The following NUP214 variants were observed in gnomAD, a reference collection of about 807,000 sequenced individuals.
The protein encoded by NUP214 is nuclear pore complex protein Nup214.
Under a neutral mutation model 196.2 loss-of-function variants are expected in NUP214, and 79 were observed. That is an observed-to-expected ratio of 0.40 (90% CI 0.34 to 0.49). NUP214 has a LOEUF of 0.49. NUP214 is among the 20% of genes least tolerant of loss of function. NUP214 has a pLI of 0.58. For missense variants in NUP214, 2,468 were observed against 2,539.0 expected, an observed-to-expected ratio of 0.97 and a Z score of 0.60; for synonymous variants, 1,020 against 990.5, an observed-to-expected ratio of 1.03 and a Z score of -0.56.
At chr9:131,199,763 C>G (rs1376484402) in intron 29 of NUP214, among the ~76,000 whole-genome samples, 2 of 152,140 alleles carry the variant, frequency 1.3e-5, no homozygotes, top group African/African-American at 4.8e-5. Context: ...AGGAGAAAAG[C>G]AAGGATCAAT....
At chr9:131,193,629 C>CTGTTTTTTTTTTTTTTTTTTTTTTTTTT (rs1833677968) in intron 27 of NUP214, among the ~76,000 whole-genome samples, 1 of 28,218 alleles carries the variant, frequency 3.5e-5, no homozygotes, top group Non-Finnish European at 6.5e-5. Flanking sequence ...TCTTCCTTTT[C>CTGTTTTTTTTTTTTTTTTTTTTTTTTTT]TTTTTTTTTT....
Position 131,151,866 on chromosome 9 carries a change from T to A in NUP214, c.2408T>A (p.Leu803Gln), listed in dbSNP as rs746324248. Residue 803 changes from leucine (L) to glutamine (Q), a missense_variant, in exon 17 of 36, where the codon CTG becomes CAG. This residue lies in a region of NUP214 where 1,801 missense variants were observed against 1,779.4 expected (regional missense o/e 1.01). Coordinates refer to ENST00000359428, the MANE Select transcript of NUP214 (RefSeq NM_005085.4). ...GYLHLLYKRP[L>Q]DPKSEAQLQE... Reference sequence around the variant, plus strand: ...CTGCATTTGCTTTATAAAAGACCACTGGATCCCAAGAGTGAAGCTCAGCTT... The same window carrying A: ...CTGCATTTGCTTTATAAAAGACCACAGGATCCCAAGAGTGAAGCTCAGCTT... The A allele has an allele frequency of 6.2e-7, 1 of 1,612,508 alleles. No homozygotes were observed. The highest frequency in any genetic ancestry group is 1.1e-5 in the South Asian group (1 of 90,796).
rs752251982 is a variant in NUP214 at position 131,151,826 on chromosome 9, C to G, written c.2368C>G (p.Arg790Gly). 2.5e-6 allele frequency: 4 copies of G among 1,613,374 alleles called. No individual in the cohort carries two copies. The African/African-American group carries it at 4.0e-5, about 16-fold the overall frequency. Residue 790 changes from arginine to glycine, a missense_variant, in exon 17 of 36, where the codon CGT becomes GGT. By Grantham distance (125) the Arg-to-Gly change is moderately radical (BLOSUM62 -2). Coordinates refer to ENST00000359428, the MANE Select transcript of NUP214 (RefSeq NM_005085.4). The stretch of plus-strand genomic sequence containing the variant: ...AGCCAGAGAACAAAATGAAAGAAAT[C>G]GTGACTCTGGTTATCTGCATTTGCT... ...EEAREQNERN[R>G]DSGYLHLLYK... is the part of the protein sequence containing the mutation.
chr9:131,216,651 C>T lies in NUP214; in HGVS notation c.5749+1283C>T, dbSNP rs545084521. ...AAGCAATTCTCCCAGCTCAGCTTCC[C>T]GAGTAGCTGGGATTACAGGCACCTG... On this transcript the variant is annotated intron_variant, in intron 31 of 35. Coordinates refer to ENST00000359428, the MANE Select transcript of NUP214 (RefSeq NM_005085.4). Among the ~76,000 whole-genome samples, 15 of 150,798 alleles carry T rather than the reference C, an allele frequency of 9.9e-5. No homozygotes were observed. The East Asian group carries it at 2.5e-3, about 26-fold the overall frequency.
At chr9:131,161,850 C>T (rs914748424) in intron 18 of NUP214, among the ~76,000 whole-genome samples, 1 of 152,200 alleles carries the variant, frequency 6.6e-6, no homozygotes, top group African/African-American at 2.4e-5. Context: ...ACCTATTACA[C>T]ACCTAGGCGC....
chr9:131,210,397 A>C (rs1337375393), intron 30 of NUP214, among the ~76,000 whole-genome samples: 1 of 152,082 alleles, frequency 6.6e-6, no homozygotes, highest in African/African-American at 2.4e-5. Flanking sequence ...TGGGAGGCCA[A>C]GGCGGGCGGA....
chr9:131,133,885 T>C (rs1029711820), intron 7 of NUP214, among the ~76,000 whole-genome samples: 15 of 152,210 alleles, frequency 9.9e-5, no homozygotes, highest in African/African-American at 3.1e-4. Context: ...TAAAGCTGAG[T>C]ATATAGCAGT....
chr9:131,166,857 T>G (rs1484306667), intron 21 of NUP214, among the ~76,000 whole-genome samples: 1 of 152,140 alleles, frequency 6.6e-6, no homozygotes, highest in African/African-American at 2.4e-5. Flanking sequence ...CACTTACCCC[T>G]CACCCATATG....
chr9:131,204,030 C>T (rs557679005), intron 30 of NUP214, among the ~76,000 whole-genome samples: 22 of 152,046 alleles, frequency 1.4e-4, no homozygotes, highest in African/African-American at 5.1e-4. Context: ...AGGTGTCTGG[C>T]AGAGGCAGCG....
chr9:131,207,889 G>A (rs552431841), intron 30 of NUP214, among the ~76,000 whole-genome samples: 1 of 152,264 alleles, frequency 6.6e-6, no homozygotes, highest in Non-Finnish European at 1.5e-5. Context: ...CTGAGAAAAT[G>A]TACTGGCTGG....
chr9:131,132,730 T>C, intron 6 of NUP214, 71 bp downstream of exon 6: 1 of 1,304,128 alleles, frequency 7.7e-7, no homozygotes, highest in South Asian at 1.2e-5. Flanking sequence ...TTCAAAATCA[T>C]GTAATGTACC....
At chr9:131,215,904 T>A (rs1834379753) in intron 31 of NUP214, among the ~76,000 whole-genome samples, 1 of 147,714 alleles carries the variant, frequency 6.8e-6, no homozygotes, top group Admixed American at 6.6e-5. Context: ...CTAATTTTTT[T>A]TTTTTTTTTT....
intron 26 of NUP214, chr9:131,191,134 CT>C (rs1251795154): frequency 1.3e-5 from 2 of 151,516 alleles, no homozygotes; most frequent in Non-Finnish European, 2.9e-5. Flanking sequence ...TTGATTTGGG[CT>C]TTTAAATAGT....
At chr9:131,150,278 T>C (rs1300191231) in intron 14 of NUP214, 46 bp from the exon 15 acceptor site, 1 of 1,542,884 alleles carries the variant, frequency 6.5e-7, no homozygotes, top group Non-Finnish European at 9.0e-7. Flanking sequence ...TAATTGCTTG[T>C]AGAAGCTATG....
At chr9:131,126,515 A>T (rs1349963437) in intron 1 of NUP214, 1 of 151,888 alleles carries the variant, frequency 6.6e-6, no homozygotes, top group Non-Finnish European at 1.5e-5. Flanking sequence ...ACTAAAATGC[A>T]TTTAGGGCAT....
At chr9:131,213,462 G>T (rs1452384345) in intron 30 of NUP214, among the ~76,000 whole-genome samples, 1 of 152,106 alleles carries the variant, frequency 6.6e-6, no homozygotes, top group Non-Finnish European at 1.5e-5. Context: ...GGCATGAGCC[G>T]CTGCACCCAG....
intron 7 of NUP214, chr9:131,133,701 C>G (rs1831631136): frequency 6.6e-6 from 1 of 152,066 alleles, no homozygotes; most frequent in Non-Finnish European, 1.5e-5. Context: ...ATTGGAGTGT[C>G]CACAGCATGT....
chr9:131,184,325 C>T (rs575266542), intron 24 of NUP214, among the ~76,000 whole-genome samples: 5 of 141,706 alleles, frequency 3.5e-5, no homozygotes, highest in African/African-American at 5.3e-5. Flanking sequence ...ACACTGCAGC[C>T]GGCCTCTCTC....
chr9:131,232,436 T>C lies in NUP214; in HGVS notation c.6239+128T>C, dbSNP rs1383897587. 6.2e-6 allele frequency: 6 copies of C among 967,238 alleles called. 1 individual carries two copies. Among genetic ancestry groups the C allele is most frequent in the African/African-American group, 1.6e-5 (1 of 62,052 alleles). The allele number at this position is 967,238 out of a possible 1,614,324, so 59.9% of individuals were successfully genotyped here. On this transcript the variant is annotated intron_variant, in intron 35 of 35. Transcript: ENST00000359428. This position sits in a 1 kb window ranked among gnomAD's most constrained non-coding sequence, Gnocchi z 5.1. The stretch of plus-strand genomic sequence containing the variant: ...CTGTTTTTAGAGTTTGTCCTGGAAG[T>C]GTGGGGGTTCAGCAGCAGGGTTTGG...
Sources: allele counts gnomAD v4.1 joint callset (sites outside exome capture counted in the v4.1 genomes callset), GRCh38; gene constraint gnomAD v4.1.1; regional missense constraint gnomAD v4.1.1; non-coding constraint Gnocchi (gnomAD v3.1); transcripts MANE v1.5; gene names NCBI Gene and HGNC (gene_info 2026-07-23, HGNC 2026-07-21).